The following ERH variants were observed in gnomAD, a reference collection of about 807,000 sequenced individuals.
ERH encodes ERH mRNA splicing and mitosis factor.
ERH carries 1 observed loss-of-function variant against 16.8 expected under a neutral mutation model. The ratio of observed to expected loss-of-function variants is 0.06; its 90% CI spans 0.02 to 0.28. The LOEUF is 0.28. Among genes scored for constraint, ERH ranks in the 10% least tolerant of loss-of-function variants. ERH has a pLI of 1.00. For synonymous variants in ERH, 43 were observed against 43.6 expected (o/e 0.99, Z 0.05); for missense variants, 42 against 127.5 (o/e 0.33, Z 3.23).
chr14:69,380,665 A>G, intron 3 of ERH, 25 bp from the exon 4 acceptor site: 1 of 1,377,004 alleles, frequency 7.3e-7, no homozygotes, highest in Non-Finnish European at 1.0e-6. Flanking sequence ...GGAATAAGCA[A>G]AGTCACAGTG....
intron 2 of ERH, among the ~76,000 whole-genome samples, chr14:69,387,579 GA>G (rs1255576701): frequency 6.6e-6 from 1 of 151,478 alleles, no homozygotes. Flanking sequence ...ATAATAAAAT[GA>G]TTACTTCAAA....
At chr14:69,387,975 GGTGGAGATTGCA>G (rs2045902500) in intron 2 of ERH, among the ~76,000 whole-genome samples, 1 of 152,186 alleles carries the variant, frequency 6.6e-6, no homozygotes, top group Non-Finnish European at 1.5e-5. Context: ...GAACCTGGGA[GGTGGAGATTGCA>G]GTGAGCCGAG....
At chr14:69,384,213 C>T (rs192607029) in intron 3 of ERH, among the ~76,000 whole-genome samples, 2 of 152,244 alleles carry the variant, frequency 1.3e-5, no homozygotes, top group African/African-American at 4.8e-5. Flanking sequence ...TAAGAACATG[C>T]TTGTAATTAA....
chr14:69,391,654 CAAAAAAAAAAA>C (rs58399149), intron 2 of ERH, among the ~76,000 whole-genome samples: 454 of 21,996 alleles, frequency 0.021, 10 homozygotes, highest in Middle Eastern at 0.12. Context: ...TCTCGCACGC[CAAAAAAAAAAA>C]AAAAAAAAAA....
chr14:69,397,910 T>A, intron 1 of ERH: 1 of 516,400 alleles, frequency 1.9e-6, no homozygotes, highest in East Asian at 3.5e-5. Context: ...AGAGTGAGAC[T>A]CTCTATCTCA....
chr14:69,398,140 T>C (rs1256511797), intron 1 of ERH, 91 bp downstream of exon 1: 4 of 1,457,658 alleles, frequency 2.7e-6, no homozygotes, highest in Admixed American at 3.8e-5. Flanking sequence ...CGGCGCTGCA[T>C]GGGGCTCGTG....
rs533301774 is a variant in ERH, at chr14:69,389,628, T to C, written c.92-2545A>G. ...GATTGGTATATGAAAATAAATTTTA[T>C]TTCTATGCCTTAACAACAAGTCTGA... On this transcript the variant is annotated intron_variant, in intron 2 of 3. Coordinates refer to ENST00000557016, the MANE Select transcript of ERH (RefSeq NM_004450.3). Among the ~76,000 whole-genome samples, 3 of 152,348 alleles carry C rather than the reference T, an allele frequency of 2.0e-5. No homozygotes were observed. In the East Asian group the frequency reaches 5.8e-4, roughly 29 times the overall value.
chr14:69,387,446 G>C (rs560744448), intron 2 of ERH, among the ~76,000 whole-genome samples: 1 of 152,120 alleles, frequency 6.6e-6, no homozygotes, highest in Non-Finnish European at 1.5e-5. Context: ...TGTGGTCCCA[G>C]CTACCTGGGA....
Position 69,380,654 on chromosome 14 carries a change from G to A in ERH, c.213-14C>T, listed in dbSNP as rs1444025208. Reference sequence around the variant, plus strand: ...TCAGCTCGGTAACTGAGGAGAGAAAGGGAATAAGCAAAGTCACAGTGGTCA... The same window carrying A: ...TCAGCTCGGTAACTGAGGAGAGAAAAGGAATAAGCAAAGTCACAGTGGTCA... On this transcript the variant is annotated splice_polypyrimidine_tract_variant and intron_variant, in intron 3 of 3. Transcript: ENST00000557016. 6.6e-7 allele frequency: 1 copy of A among 1,507,682 alleles called. No homozygotes were observed. Among genetic ancestry groups the A allele is most frequent in the East Asian group, 2.3e-5 (1 of 44,084 alleles). The allele number at this position is 1,507,682 out of a possible 1,614,324, so 93.4% of individuals were successfully genotyped here.
chr14:69,388,048 C>CA (rs1237583127), intron 2 of ERH, among the ~76,000 whole-genome samples: 1 of 150,962 alleles, frequency 6.6e-6, no homozygotes, highest in Non-Finnish European at 1.5e-5. Context: ...CTGTCTCAAA[C>CA]AAACAAACAA....
chr14:69,397,875 G>A (rs1200720794), intron 1 of ERH: 1 of 380,790 alleles, frequency 2.6e-6, no homozygotes. Flanking sequence ...CTGAGATCCC[G>A]CCACTGCACT....
At chr14:69,390,100 A>G (rs2045915583) in intron 2 of ERH, among the ~76,000 whole-genome samples, 1 of 152,192 alleles carries the variant, frequency 6.6e-6, no homozygotes, top group Admixed American at 6.5e-5. Flanking sequence ...ATGGAAAGAC[A>G]TCCCATGTTC....
chr14:69,398,104 C>G, intron 1 of ERH, 127 bp downstream of exon 1: 3 of 1,190,300 alleles, frequency 2.5e-6, no homozygotes, highest in Non-Finnish European at 2.4e-6. Context: ...GTCAATCCAC[C>G]GACTAGAGTG....
intron 1 of ERH, among the ~76,000 whole-genome samples, chr14:69,397,543 T>C (rs1882379700): frequency 6.6e-6 from 1 of 151,168 alleles, no homozygotes; most frequent in Non-Finnish European, 1.5e-5. Context: ...ATGCTGGGTA[T>C]AGCTGGATCT....
chr14:69,387,176 A>C, intron 2 of ERH, 93 bp from the exon 3 acceptor site: 6 of 995,276 alleles, frequency 6.0e-6, no homozygotes, highest in Non-Finnish European at 7.2e-6. Flanking sequence ...TGTTGATATC[A>C]TATTTACTTT....
rs1037303391 is a variant in ERH, at chr14:69,396,338, C to A, written c.4-1426G>T. Among the ~76,000 whole-genome samples, 3 of 152,352 alleles carry A rather than the reference C, an allele frequency of 2.0e-5. No homozygotes were observed. In the South Asian group the frequency reaches 6.2e-4, roughly 32 times the overall value. ...GCGCAAAGGCGCGATCTCAGCTCAC[C>A]GCAACCTCTGCTTTCCGGGTTCAAG... On this transcript the variant is annotated intron_variant, in intron 1 of 3. Transcript: ENST00000557016.
rs539759329 is a variant in ERH, at chr14:69,383,009, G to A, written c.213-2369C>T. Among the ~76,000 whole-genome samples, 3 of 152,296 alleles carry A rather than the reference G, an allele frequency of 2.0e-5. No homozygotes were observed. In the South Asian group the frequency reaches 6.2e-4, roughly 32 times the overall value. On this transcript the variant is annotated intron_variant, in intron 3 of 3. Transcript: ENST00000557016. ...GGGTCTGGGCAGTGAAATCAGAAATGTCTTCAGTGATAACTTCTCTTACTG... is the reference window on the plus strand; with the variant it reads ...GGGTCTGGGCAGTGAAATCAGAAATATCTTCAGTGATAACTTCTCTTACTG...
intron 2 of ERH, among the ~76,000 whole-genome samples, chr14:69,388,207 T>C (rs1353185210): frequency 6.6e-6 from 1 of 152,134 alleles, no homozygotes; most frequent in Non-Finnish European, 1.5e-5. Context: ...TTATTTGAAA[T>C]AATACACATA....
At chr14:69,384,924 C>T (rs558880277) in intron 3 of ERH, among the ~76,000 whole-genome samples, 15 of 152,230 alleles carry the variant, frequency 9.9e-5, no homozygotes, top group African/African-American at 3.6e-4. Flanking sequence ...CATCTCCTAC[C>T]CTCTCTTGGC....
Sources: allele counts gnomAD v4.1 joint callset (sites outside exome capture counted in the v4.1 genomes callset), GRCh38; gene constraint gnomAD v4.1.1; transcripts MANE v1.5; gene names NCBI Gene and HGNC (gene_info 2026-07-23, HGNC 2026-07-21).